Variants in GRIK1 observed in about 807,000 individuals in gnomAD.
GRIK1 encodes glutamate receptor ionotropic, kainate 1.
Under a neutral mutation model 105.7 loss-of-function variants are expected in GRIK1, and 69 were observed. That is an observed-to-expected ratio of 0.65 (90% confidence interval 0.54 to 0.80). GRIK1 has a LOEUF of 0.80. Ranked by LOEUF, GRIK1 falls within the 30% of genes least tolerant of loss-of-function variation. The pLI, the probability that GRIK1 is intolerant of heterozygous loss-of-function variation, is 0.00. For missense variants in GRIK1, 1,109 were observed against 1,167.3 expected (o/e 0.95, Z 0.73); for synonymous variants, 438 against 431.3 (o/e 1.02, Z -0.19).
intron 1 of GRIK1, among the ~76,000 whole-genome samples, chr21:29,826,202 C>T (rs1223739973): frequency 1.3e-5 from 2 of 152,076 alleles, no homozygotes; most frequent in African/African-American, 4.8e-5. Flanking sequence ...GATCACGTTT[C>T]CAAGCCATGG....
In GRIK1 at chr21:29,629,496, TC is replaced by T. The variant is rs748622760; in HGVS notation, c.1098+13329del. Reference sequence around the variant, plus strand: ...CCTACTAAGTTCAATTTTCTTTCTTTCTTTTTTTTTTTGAGACAGAGTCTTG... The same window carrying T: ...CCTACTAAGTTCAATTTTCTTTCTTTTTTTTTTTTTTGAGACAGAGTCTTG... On this transcript the variant is annotated intron_variant, in intron 7 of 17. Transcript: ENST00000327783. Among the ~76,000 whole-genome samples the T allele has an allele frequency of 4.0e-3, 598 of 149,434 alleles. 16 individuals are homozygous for T. Among genetic ancestry groups the T allele is most frequent in the African/African-American group, 0.012 (494 of 40,420 alleles).
intron 14 of GRIK1, among the ~76,000 whole-genome samples, chr21:29,575,535 TA>T (rs202176701): frequency 6.6e-6 from 1 of 151,210 alleles, no homozygotes; most frequent in African/African-American, 2.4e-5. Context: ...AAAGATTATT[TA>T]AAAAAAAATA....
intron 1 of GRIK1, among the ~76,000 whole-genome samples, chr21:29,696,557 A>G (rs902379925): frequency 5.3e-5 from 8 of 152,248 alleles, no homozygotes; most frequent in African/African-American, 1.9e-4. Context: ...GGTGGACATA[A>G]GTCCGTCTTA....
intron 1 of GRIK1, among the ~76,000 whole-genome samples, chr21:29,731,191 G>C (rs2064617000): frequency 6.6e-6 from 1 of 152,192 alleles, no homozygotes; most frequent in Non-Finnish European, 1.5e-5. Context: ...TAGTGGAGGA[G>C]GACTCTCTGG....
chr21:29,851,319 T>A (rs1442656598), intron 1 of GRIK1, among the ~76,000 whole-genome samples: 1 of 152,180 alleles, frequency 6.6e-6, no homozygotes, highest in Non-Finnish European at 1.5e-5. Context: ...CCTCCCAAAG[T>A]GCTGGAATTA....
At chr21:29,912,954 A>G (rs1374570341) in intron 1 of GRIK1, among the ~76,000 whole-genome samples, 1 of 152,144 alleles carries the variant, frequency 6.6e-6, no homozygotes, top group Non-Finnish European at 1.5e-5. Flanking sequence ...GAATCCAGAA[A>G]TAACATTCTT....
Position 29,574,722 on chromosome 21 carries a change from C to G in GRIK1, c.2130+2242G>C, listed in dbSNP as rs575799134. On this transcript the variant is annotated intron_variant, in intron 14 of 17. Transcript: ENST00000327783. ...TTTTTTTTTGAGACGGAGTCTCGCT[C>G]TGTGGCCCAGGCGGGAGTGCAGTGG... Among the ~76,000 whole-genome samples, 607 of 129,134 alleles carry G rather than the reference C, an allele frequency of 4.7e-3. 7 individuals carry two copies. The highest frequency in any genetic ancestry group is 0.017 in the African/African-American group (574 of 34,498). 84.7% of individuals were successfully genotyped at this position (129,134 alleles called of 152,430 possible).
chr21:29,886,552 A>G (rs1037417643), intron 1 of GRIK1, among the ~76,000 whole-genome samples: 5 of 152,188 alleles, frequency 3.3e-5, no homozygotes, highest in East Asian at 1.9e-4. Flanking sequence ...TATTCTATGT[A>G]CAAGACACTG....
At chr21:29,734,421 CTTTTT>C (rs1344157713) in intron 1 of GRIK1, among the ~76,000 whole-genome samples, 3,610 of 17,152 alleles carry the variant, frequency 0.21, 450 homozygotes, top group Non-Finnish European at 0.44. Flanking sequence ...CTTTTCTTTT[CTTTTT>C]GAGACAGAGT....
intron 1 of GRIK1, among the ~76,000 whole-genome samples, chr21:29,923,007 C>T (rs1236005965): frequency 6.6e-6 from 1 of 152,084 alleles, no homozygotes; most frequent in African/African-American, 2.4e-5. Flanking sequence ...GACTTGTGTA[C>T]TGATTTACAC....
intron 1 of GRIK1, among the ~76,000 whole-genome samples, chr21:29,871,511 C>G (rs1289134370): frequency 6.6e-6 from 1 of 152,098 alleles, no homozygotes; most frequent in African/African-American, 2.4e-5. Flanking sequence ...AAAATTTTCA[C>G]TATGTAAGTG....
chr21:29,724,914 C>T (rs2064415316), intron 1 of GRIK1, among the ~76,000 whole-genome samples: 1 of 151,496 alleles, frequency 6.6e-6, no homozygotes, highest in Non-Finnish European at 1.5e-5. Context: ...GAATTTGACA[C>T]TCAGTCGTGC....
At chr21:29,579,094 A>G (rs2146247814) in intron 13 of GRIK1, among the ~76,000 whole-genome samples, 1 of 152,326 alleles carries the variant, frequency 6.6e-6, no homozygotes, top group Middle Eastern at 3.4e-3. Context: ...GACATGTAAT[A>G]ATACTAATTC....
chr21:29,855,282 A>T (rs1373960405), intron 1 of GRIK1, among the ~76,000 whole-genome samples: 1 of 152,232 alleles, frequency 6.6e-6, no homozygotes, highest in African/African-American at 2.4e-5. Flanking sequence ...ATAAAAAAGA[A>T]TAATATTGGT....
intron 1 of GRIK1, among the ~76,000 whole-genome samples, chr21:29,900,542 C>A (rs1338535067): frequency 6.7e-6 from 1 of 148,154 alleles, no homozygotes; most frequent in East Asian, 2.0e-4. Flanking sequence ...TCAAAAGAGA[C>A]AAGGCCATTA....
At chr21:29,821,480 C>T (rs1011801339) in intron 1 of GRIK1, among the ~76,000 whole-genome samples, 1 of 152,006 alleles carries the variant, frequency 6.6e-6, no homozygotes, top group Non-Finnish European at 1.5e-5. Flanking sequence ...CAGTATTGCA[C>T]TAAACAGGAT....
At chr21:29,587,727 TA>T (rs3216133) in intron 11 of GRIK1, 138 bp from the exon 12 acceptor site, 13 of 590,996 alleles carry the variant, frequency 2.2e-5, no homozygotes, top group Non-Finnish European at 3.0e-5. Flanking sequence ...TTGGTTCTAA[TA>T]AAAAAAAGCC....
intron 1 of GRIK1, among the ~76,000 whole-genome samples, chr21:29,795,639 A>C (rs1265840131): frequency 3.3e-5 from 5 of 152,220 alleles, no homozygotes; most frequent in Non-Finnish European, 5.9e-5. Flanking sequence ...TAATTTCAAC[A>C]GTCTTCAAGA....
At chr21:29,720,099 AAAG>A (rs2064282756) in intron 1 of GRIK1, among the ~76,000 whole-genome samples, 1 of 152,230 alleles carries the variant, frequency 6.6e-6, no homozygotes, top group African/African-American at 2.4e-5. Flanking sequence ...TTACATGATA[AAAG>A]AAGAACATTA....
Sources: gnomAD v4.1 joint callset for allele counts (sites outside exome capture counted in the v4.1 genomes callset) on GRCh38, gnomAD v4.1.1 for gene constraint, MANE v1.5 for transcripts, NCBI Gene and HGNC (gene_info 2026-07-23, HGNC 2026-07-21) for gene names.